Variants in HSF5 observed in about 807,000 individuals in gnomAD.
HSF5 encodes the protein heat shock factor protein 5.
A neutral mutation model predicts 50.8 loss-of-function variants in HSF5; 5 were observed. The ratio of observed to expected loss-of-function variants is 0.10; its 90% CI spans 0.05 to 0.21. The LOEUF (loss-of-function observed/expected upper bound fraction) is 0.21. Ranked by LOEUF, HSF5 falls within the 10% of genes least tolerant of loss-of-function variation. The pLI is 1.00. For synonymous variants in HSF5, 307 were observed against 307.4 expected (o/e 1.00, Z 0.02); for missense variants, 564 against 762.6 (o/e 0.74, Z 3.07).
At chr17:58,479,698 C>T (rs1975072295) in intron 2 of HSF5, among the ~76,000 whole-genome samples, 195 bp downstream of exon 2, 1 of 152,166 alleles carries the variant, frequency 6.6e-6, no homozygotes, top group African/African-American at 2.4e-5. Flanking sequence ...AAAATTTTCA[C>T]AATCCTTAAA....
chr17:58,480,172 A>G lies in HSF5; in HGVS notation c.646T>C (p.Tyr216His). 6.2e-7 allele frequency: 1 copy of G among 1,614,192 alleles called. No individual in the cohort carries two copies. The highest frequency in any genetic ancestry group is 8.5e-7 in the Non-Finnish European group (1 of 1,180,016). The part of the protein sequence containing the change: ...VSTPSHDHST[Y>H]PLKGLDRTPV... ...GTCCGATCTAAACCTTTCAGAGGGT[A>G]AGTACTGTGGTCGTGGGATGGAGTT... The change falls in exon 2 of 6, where the codon TAC (tyrosine) becomes CAC (histidine). Residue 216 changes from tyrosine (Y) to histidine (H), a missense_variant. Tyr to His is a moderately conservative substitution (Grantham distance 83). This residue lies in a region of HSF5 where 441 missense variants were observed against 533.6 expected (regional missense o/e 0.83). Coordinates refer to ENST00000323777, the MANE Select transcript of HSF5 (RefSeq NM_001080439.3).
At chr17:58,466,754 GAAAAC>G in intron 3 of HSF5, 126 bp downstream of exon 3, 1 of 634,690 alleles carries the variant, frequency 1.6e-6, no homozygotes, top group Non-Finnish European at 2.8e-6. Flanking sequence ...TAAGAATTGA[GAAAAC>G]AAAGCCCATT....
At chr17:58,468,300 A>G (rs1157058501) in intron 2 of HSF5, among the ~76,000 whole-genome samples, 2 of 152,178 alleles carry the variant, frequency 1.3e-5, no homozygotes, top group African/African-American at 4.8e-5. Flanking sequence ...CAGGAGGCTC[A>G]GGTGGGAGGA....
chr17:58,455,843 C>T (rs1420022848), intron 5 of HSF5, among the ~76,000 whole-genome samples: 1 of 151,846 alleles, frequency 6.6e-6, no homozygotes, highest in African/African-American at 2.4e-5. Flanking sequence ...CAAATGCTGG[C>T]AAAGATGCAG....
chr17:58,456,508 G>A (rs1167407056), intron 5 of HSF5, among the ~76,000 whole-genome samples: 1 of 152,034 alleles, frequency 6.6e-6, no homozygotes, highest in African/African-American at 2.4e-5. Flanking sequence ...CATAATTGTA[G>A]CAAATAACAA....
At chr17:58,451,438 C>T (rs1283417194) in intron 5 of HSF5, among the ~76,000 whole-genome samples, 1 of 152,090 alleles carries the variant, frequency 6.6e-6, no homozygotes, top group Non-Finnish European at 1.5e-5. Flanking sequence ...ATACGTTAGG[C>T]CATAAAAGAA....
chr17:58,469,098 G>GA (rs60851317), intron 2 of HSF5, among the ~76,000 whole-genome samples: 31,434 of 120,832 alleles, frequency 0.26, 3,683 homozygotes, highest in Non-Finnish European at 0.31. Flanking sequence ...CTCGGGAAGG[G>GA]AAAAAAAAAA....
intron 5 of HSF5, among the ~76,000 whole-genome samples, chr17:58,427,576 T>C (rs892936369): frequency 6.6e-6 from 1 of 152,246 alleles, no homozygotes; most frequent in Non-Finnish European, 1.5e-5. Flanking sequence ...TGGAACATTA[T>C]TGATGAGAGA....
chr17:58,422,509 G>A (rs909962524), intron 5 of HSF5, 79 bp from the exon 6 acceptor site: 1 of 1,072,656 alleles, frequency 9.3e-7, no homozygotes, highest in East Asian at 2.4e-5. Flanking sequence ...AGCAGAACAA[G>A]TTGTCTATGT....
intron 2 of HSF5, among the ~76,000 whole-genome samples, chr17:58,478,911 CT>C (rs1165251860): frequency 0.01 from 1,475 of 146,146 alleles, 26 homozygotes; most frequent in African/African-American, 0.032. Flanking sequence ...GAAAACACAA[CT>C]TTTTTTTTTC....
intron 5 of HSF5, among the ~76,000 whole-genome samples, chr17:58,442,336 C>A (rs1974509394): frequency 6.6e-6 from 1 of 152,208 alleles, no homozygotes; most frequent in South Asian, 2.1e-4. Context: ...ATGTATATAA[C>A]TTTTCACCTT....
intron 5 of HSF5, among the ~76,000 whole-genome samples, chr17:58,444,145 T>C (rs1425072208): frequency 2.0e-5 from 3 of 152,232 alleles, no homozygotes; most frequent in Non-Finnish European, 2.9e-5. Context: ...AAGATGTCTA[T>C]ACTACCCAAA....
chr17:58,431,728 T>C (rs571738800), intron 5 of HSF5, among the ~76,000 whole-genome samples: 9 of 152,344 alleles, frequency 5.9e-5, no homozygotes, highest in Admixed American at 2.6e-4. Flanking sequence ...ACACCACTTG[T>C]GTAACCCTAT....
Position 58,437,826 on chromosome 17 carries a change from T to C in HSF5, c.1721-15396A>G, listed in dbSNP as rs533565058. Among the ~76,000 whole-genome samples the C allele has an allele frequency of 3.9e-5, 6 of 152,350 alleles. No homozygotes were observed. The East Asian group carries it at 7.7e-4, about 20-fold the overall frequency. ...GTATCTGGTTCCCCACTGTCAGGCA[T>C]TTATGCTTTTCTCAAATTTTTGCTA... On this transcript the variant is annotated intron_variant, in intron 5 of 5. Coordinates refer to ENST00000323777, the MANE Select transcript of HSF5 (RefSeq NM_001080439.3).
intron 5 of HSF5, among the ~76,000 whole-genome samples, chr17:58,440,732 A>T (rs1974488945): frequency 1.3e-5 from 2 of 152,210 alleles, no homozygotes; most frequent in Admixed American, 1.3e-4. Flanking sequence ...AGCTTGAAAA[A>T]TTTTGGCAGA....
At chr17:58,433,911 AT>A (rs59043902) in intron 5 of HSF5, among the ~76,000 whole-genome samples, 197 of 109,326 alleles carry the variant, frequency 1.8e-3, no homozygotes, top group Middle Eastern at 5.9e-3. Flanking sequence ...GGTCAAAGGG[AT>A]TTTTTTTTTT....
At chr17:58,441,722 T>C (rs1199133640) in intron 5 of HSF5, among the ~76,000 whole-genome samples, 3 of 152,140 alleles carry the variant, frequency 2.0e-5, no homozygotes, top group Admixed American at 6.5e-5. Context: ...AGACAACAAA[T>C]AGAAAAATAC....
In HSF5 at chr17:58,463,102, C is replaced by T. The variant is rs1446574307; in HGVS notation, c.1222G>A (p.Gly408Ser). 6.2e-7 allele frequency: 1 copy of T among 1,614,186 alleles called. No individual in the cohort carries two copies. Among genetic ancestry groups the T allele is most frequent in the Non-Finnish European group, 8.5e-7 (1 of 1,180,026 alleles). Residue 408 changes from glycine to serine, a missense_variant, in exon 4 of 6, where the codon GGC (glycine) becomes AGC (serine). By Grantham distance (56) the Gly-to-Ser change is moderately conservative. Transcript: ENST00000323777. ...NQCPTSPSYR[G>S]QHILANSNNS... Reference sequence around the variant, plus strand: ...TTAGAATTAGCTAAAATGTGTTGGCCTCTGTAAGACGGAGATGTTGGGCAC... The same window carrying T: ...TTAGAATTAGCTAAAATGTGTTGGCTTCTGTAAGACGGAGATGTTGGGCAC...
At chr17:58,456,164 T>TACACACAC (rs756729016) in intron 5 of HSF5, among the ~76,000 whole-genome samples, 18 of 130,586 alleles carry the variant, frequency 1.4e-4, no homozygotes, top group African/African-American at 5.1e-4. Flanking sequence ...TGTGTGTGTA[T>TACACACAC]ATACACACAC....
Sources: gnomAD v4.1 joint callset for allele counts (sites outside exome capture counted in the v4.1 genomes callset) on GRCh38, gnomAD v4.1.1 for gene constraint, gnomAD v4.1.1 regional missense constraint, MANE v1.5 for transcripts, NCBI Gene and HGNC (gene_info 2026-07-23, HGNC 2026-07-21) for gene names.